ALDH8A1: variants seen among roughly 807,000 people sequenced by gnomAD.
ALDH8A1 encodes the protein 2-aminomuconic semialdehyde dehydrogenase.
ALDH8A1 carries 39 observed loss-of-function variants against 43.3 expected under a neutral mutation model. That is an observed-to-expected ratio of 0.90 (90% CI 0.70 to 1.18). The LOEUF (loss-of-function observed/expected upper bound fraction) is 1.18, where lower values mean the gene tolerates loss of function less well. ALDH8A1 is among the 50% of genes most tolerant of loss of function. The pLI, the probability that ALDH8A1 is intolerant of heterozygous loss-of-function variation, is 0.00. For synonymous variants in ALDH8A1, 233 were observed against 243.5 expected (o/e 0.96, Z 0.40); for missense variants, 605 against 622.6 (o/e 0.97, Z 0.30).
chr6:134,922,827 T>C (rs143679119), intron 6 of ALDH8A1, among the ~76,000 whole-genome samples: 13 of 152,208 alleles, frequency 8.5e-5, no homozygotes, highest in African/African-American at 3.1e-4. Flanking sequence ...TTATTTTCTA[T>C]AAGGATCAAG....
intron 6 of ALDH8A1, among the ~76,000 whole-genome samples, chr6:134,923,524 T>C (rs1333304311): frequency 6.6e-6 from 1 of 152,166 alleles, no homozygotes; most frequent in African/African-American, 2.4e-5. Context: ...CACCTAAGTA[T>C]ACTAAATTGA....
At position 134,918,190 on chromosome 6, in the gene ALDH8A1, G is replaced by T. The variant is rs909382202; in HGVS notation, c.*225C>A. 2.4e-5 allele frequency: 13 copies of T among 542,020 alleles called. No homozygotes were observed. The South Asian group carries it at 2.8e-4, about 12-fold the overall frequency. The allele number at this position is 542,020 out of a possible 1,614,324, so 33.6% of individuals were successfully genotyped here. ...GAGGAGCCTGACAACTGGCATCATT[G>T]TTCTATCTTCCTACTTATAAGTCTT... On this transcript the variant is annotated 3_prime_UTR_variant, in exon 7 of 7. Coordinates refer to ENST00000265605, the MANE Select transcript of ALDH8A1 (RefSeq NM_022568.4).
In ALDH8A1 at chr6:134,932,846, G is replaced by A. The variant is rs766845565; in HGVS notation, c.779C>T (p.Ala260Val). The A allele has an allele frequency of 1.2e-6, 2 of 1,614,214 alleles. No homozygotes were observed. The highest frequency in any genetic ancestry group is 3.3e-5 in the Admixed American group (2 of 60,028). ...CAGGTTGGCGTCCTCAAAGATGATGGCAGGATTCTTGCCCCCCAGCTCCAG... is the reference window on the plus strand; with the variant it reads ...CAGGTTGGCGTCCTCAAAGATGATGACAGGATTCTTGCCCCCCAGCTCCAG... The part of the protein sequence containing the change: ...LSLELGGKNP[A>V]IIFEDANLDE... The change falls in exon 5 of 7, where the codon GCC becomes GTC. Residue 260 changes from alanine to valine, a missense_variant. Transcript: ENST00000265605.
intron 6 of ALDH8A1, among the ~76,000 whole-genome samples, chr6:134,927,517 GCACA>G (rs150788087): frequency 6.0e-5 from 9 of 150,486 alleles, no homozygotes; most frequent in East Asian, 5.9e-4. Context: ...ACGCGTGCAT[GCACA>G]CACACACACA....
In ALDH8A1 at chr6:134,943,822, G is replaced by C. The variant is rs1240669407; in HGVS notation, c.283C>G (p.Gln95Glu). The C allele has an allele frequency of 1.5e-5, 24 of 1,613,880 alleles. No homozygotes were observed. The highest frequency in any genetic ancestry group is 2.0e-5 in the Non-Finnish European group (24 of 1,179,960). The change falls in exon 2 of 7, where the codon CAA becomes GAA. Residue 95 changes from glutamine (Q) to glutamate (E), a missense_variant. Coordinates refer to ENST00000265605, the MANE Select transcript of ALDH8A1 (RefSeq NM_022568.4). ...ACAGTTAAGAGGCAACTCTCACCTTGGTCTTTAGACTCGGCCTGGGCAAAC... is the reference window on the plus strand; with the variant it reads ...ACAGTTAAGAGGCAACTCTCACCTTCGTCTTTAGACTCGGCCTGGGCAAAC... ...EEFAQAESKD[Q>E]GKTLALARTM...
chr6:134,940,200 G>A (rs527915154), intron 3 of ALDH8A1: 14 of 364,068 alleles, frequency 3.8e-5, no homozygotes, highest in African/African-American at 1.1e-4. Flanking sequence ...AAACCTGCAC[G>A]TCCTGCACGT....
chr6:134,944,478 C>T (rs1773918405), intron 1 of ALDH8A1, among the ~76,000 whole-genome samples: 1 of 152,154 alleles, frequency 6.6e-6, no homozygotes, highest in Non-Finnish European at 1.5e-5. Flanking sequence ...AACAAAGAAA[C>T]GCGCTCCATT....
chr6:134,946,946 G>T (rs920476530), intron 1 of ALDH8A1, among the ~76,000 whole-genome samples: 1 of 152,134 alleles, frequency 6.6e-6, no homozygotes, highest in African/African-American at 2.4e-5. Context: ...ATATTAAAGG[G>T]CTTACTGATT....
intron 1 of ALDH8A1, among the ~76,000 whole-genome samples, chr6:134,948,127 C>T (rs562527301): frequency 2.0e-5 from 3 of 152,060 alleles, no homozygotes; most frequent in East Asian, 1.9e-4. Flanking sequence ...GAGGATATTA[C>T]GTTAAGTGAA....
In ALDH8A1 at chr6:134,932,842, G is replaced by A; in HGVS notation, c.783C>T (p.Ile261=). The change falls in exon 5 of 7, where the codon ATC becomes ATT. Residue 261 remains isoleucine, a synonymous_variant. Transcript: ENST00000265605. Reference sequence around the variant, plus strand: ...CATCCAGGTTGGCGTCCTCAAAGATGATGGCAGGATTCTTGCCCCCCAGCT... The same window carrying A: ...CATCCAGGTTGGCGTCCTCAAAGATAATGGCAGGATTCTTGCCCCCCAGCT... The part of the protein sequence containing the change: ...SLELGGKNPA[I]IFEDANLDEC... The A allele has an allele frequency of 6.2e-7, 1 of 1,614,230 alleles. No individual in the cohort carries two copies. The highest frequency in any genetic ancestry group is 8.5e-7 in the Non-Finnish European group (1 of 1,180,040).
At chr6:134,945,657 C>T (rs574974110) in intron 1 of ALDH8A1, among the ~76,000 whole-genome samples, 3 of 152,138 alleles carry the variant, frequency 2.0e-5, no homozygotes, top group Non-Finnish European at 2.9e-5. Context: ...CTTCCACCAC[C>T]GGGCCCTGGC....
intron 6 of ALDH8A1, among the ~76,000 whole-genome samples, chr6:134,922,639 C>T (rs921121861): frequency 6.6e-6 from 1 of 152,122 alleles, no homozygotes; most frequent in African/African-American, 2.4e-5. Flanking sequence ...CCACCCGCCT[C>T]AGCCACCCAA....
At chr6:134,929,766 C>T (rs1251629678) in intron 5 of ALDH8A1, among the ~76,000 whole-genome samples, 1 of 152,090 alleles carries the variant, frequency 6.6e-6, no homozygotes, top group East Asian at 1.9e-4. Context: ...CTCTATCGTG[C>T]AGTCTCATAG....
chr6:134,943,917 G>T lies in ALDH8A1; in HGVS notation c.188C>A (p.Ser63Tyr), dbSNP rs1336330859. ...CCGTGAGCGCTCCTGGGGGCTGCGGGATGACCAGCTGGGAAAGGCTTCTCT... is the reference window on the plus strand; with the variant it reads ...CCGTGAGCGCTCCTGGGGGCTGCGGTATGACCAGCTGGGAAAGGCTTCTCT... ...AAREAFPSWS[S>Y]RSPQERSRVL... The change falls in exon 2 of 7, where the codon TCC becomes TAC. Residue 63 changes from serine to tyrosine, a missense_variant. Ser to Tyr is a moderately radical substitution (Grantham distance 144). Coordinates refer to ENST00000265605, the MANE Select transcript of ALDH8A1 (RefSeq NM_022568.4). 6.2e-7 allele frequency: 1 copy of T among 1,614,202 alleles called. No homozygotes were observed. The highest frequency in any genetic ancestry group is 2.2e-5 in the East Asian group (1 of 44,886).
chr6:134,923,450 A>G (rs1456857211), intron 6 of ALDH8A1, among the ~76,000 whole-genome samples: 1 of 152,162 alleles, frequency 6.6e-6, no homozygotes, highest in Non-Finnish European at 1.5e-5. Context: ...ATGGCCTTAT[A>G]TTTTAATGTG....
chr6:134,931,388 C>G (rs1201867949), intron 5 of ALDH8A1, among the ~76,000 whole-genome samples: 1 of 152,134 alleles, frequency 6.6e-6, no homozygotes, highest in Non-Finnish European at 1.5e-5. Flanking sequence ...CTCAGCCTCC[C>G]GAGTAGCTGA....
Position 134,918,680 on chromosome 6 carries a change from A to G in ALDH8A1, c.1199T>C (p.Val400Ala). ...CACCTCCTCTTCACTATCAAAGGGG[A>G]CGACACACGTCACTGGACCAAATAT... Reference protein sequence around the residue: ...EEIFGPVTCVVPFDSEEEVIE... With the variant: ...EEIFGPVTCVAPFDSEEEVIE... Residue 400 changes from valine to alanine, a missense_variant, in exon 7 of 7, where the codon GTC becomes GCC. Coordinates refer to ENST00000265605, the MANE Select transcript of ALDH8A1 (RefSeq NM_022568.4). 1 of 1,614,100 alleles carries G rather than the reference A, an allele frequency of 6.2e-7. No homozygotes were observed. Among genetic ancestry groups the G allele is most frequent in the Admixed American group, 1.7e-5 (1 of 60,012 alleles).
At position 134,929,129 on chromosome 6, in the gene ALDH8A1, T is replaced by C; in HGVS notation, c.936A>G (p.Arg312=). 6.2e-7 allele frequency: 1 copy of C among 1,614,212 alleles called. No individual in the cohort carries two copies. The highest frequency in any genetic ancestry group is 8.5e-7 in the Non-Finnish European group (1 of 1,180,024). Residue 312 remains arginine (R), a synonymous_variant, in exon 6 of 7, where the codon AGA becomes AGG. Transcript: ENST00000265605. ...CAGAGGGAATGCCGACTTTCCACTT[T>C]CTGGTAGCTTCTACAAATCTCTTTA... ...EFLKRFVEAT[R]KWKVGIPSDP...
At chr6:134,935,869 A>C (rs1284841199) in intron 4 of ALDH8A1, among the ~76,000 whole-genome samples, 1 of 152,108 alleles carries the variant, frequency 6.6e-6, no homozygotes, top group Non-Finnish European at 1.5e-5. Flanking sequence ...TTGAAGCTAC[A>C]GTGAAGGTCC....
Sources: allele counts gnomAD v4.1 joint callset (sites outside exome capture counted in the v4.1 genomes callset), GRCh38; gene constraint gnomAD v4.1.1; transcripts MANE v1.5; gene names NCBI Gene and HGNC (gene_info 2026-07-23, HGNC 2026-07-21).